Variants in CIROZ observed in about 807,000 individuals in gnomAD.
The protein encoded by CIROZ is ciliated left-right organizer ZP-N domains-containing protein.
the CIROZ span, among the ~76,000 whole-genome samples, chr1:10,973,956 A>G: frequency 7.4e-6 from 1 of 134,232 alleles, no homozygotes. Flanking sequence ...CCCAGGAAGG[A>G]CCCCCCCCAC....
the CIROZ span, among the ~76,000 whole-genome samples, chr1:10,954,472 AG>A: frequency 0.16 from 23,641 of 149,448 alleles, 2,456 homozygotes; most frequent in South Asian, 0.39. Context: ...AAAAAAGAAA[AG>A]AAAAGAAAAG....
the CIROZ span, among the ~76,000 whole-genome samples, chr1:10,963,296 G>A: frequency 6.6e-6 from 1 of 152,048 alleles, no homozygotes; most frequent in African/African-American, 2.4e-5. Context: ...GGCTGAGGCA[G>A]GAGAATCGCT....
chr1:10,976,054 C>A, the CIROZ span: 61 of 919,802 alleles, frequency 6.6e-5, no homozygotes, highest in Admixed American at 3.8e-4. Context: ...GGCTTTCTCG[C>A]TTCCAAAGTT....
chr1:10,981,871 G>A, the CIROZ span: 3 of 1,024,760 alleles, frequency 2.9e-6, no homozygotes, highest in South Asian at 4.7e-5. Flanking sequence ...CCATGCATCT[G>A]GGCCCCTCAC....
At chr1:10,969,983 G>T in the CIROZ span, 2 of 1,535,896 alleles carry the variant, frequency 1.3e-6, no homozygotes, top group Admixed American at 2.0e-5. Flanking sequence ...GCAAGTGCAA[G>T]GTCCTGGCCA....
chr1:10,973,242 G>A, the CIROZ span, among the ~76,000 whole-genome samples: 5 of 151,638 alleles, frequency 3.3e-5, no homozygotes, highest in Admixed American at 3.3e-4. Context: ...GCGTGGTTGC[G>A]GGTGCCTGTA....
the CIROZ span, among the ~76,000 whole-genome samples, chr1:10,979,594 G>A: frequency 6.6e-6 from 1 of 152,070 alleles, no homozygotes; most frequent in Non-Finnish European, 1.5e-5. Context: ...CTCTCCAACT[G>A]CAAGGCAAGC....
the CIROZ span, chr1:10,955,270 G>C: frequency 5.3e-6 from 7 of 1,319,140 alleles, no homozygotes; most frequent in East Asian, 4.7e-5. Flanking sequence ...GCCTTTGCCA[G>C]GGGCCACACC....
At chr1:10,963,108 G>T in the CIROZ span, among the ~76,000 whole-genome samples, 1 of 152,038 alleles carries the variant, frequency 6.6e-6, no homozygotes, top group Non-Finnish European at 1.5e-5. Context: ...AAAAAAACAG[G>T]CCGGGTGCAG....
At chr1:10,963,639 G>A in the CIROZ span, among the ~76,000 whole-genome samples, 65,689 of 151,728 alleles carry the variant, frequency 0.43, 16,916 homozygotes, top group African/African-American at 0.71. Context: ...AGAGCTCACA[G>A]TTGGATGTGG....
the CIROZ span, chr1:10,966,574 G>A: frequency 7.5e-7 from 1 of 1,339,944 alleles, no homozygotes; most frequent in Non-Finnish European, 9.8e-7. Context: ...GATAGAAACT[G>A]CTCCGCCTGG....
At chr1:10,966,200 GC>G in the CIROZ span, among the ~76,000 whole-genome samples, 3 of 152,102 alleles carry the variant, frequency 2.0e-5, no homozygotes, top group African/African-American at 7.2e-5. Flanking sequence ...TAATATCTAT[GC>G]CCATAAACTC....
chr1:10,973,690 G>T, the CIROZ span, among the ~76,000 whole-genome samples: 60 of 152,266 alleles, frequency 3.9e-4, no homozygotes, highest in African/African-American at 1.4e-3. Flanking sequence ...TCTGAGTTGG[G>T]ACGGGAACTC....
chr1:10,978,536 C>T, the CIROZ span, among the ~76,000 whole-genome samples: 4 of 151,788 alleles, frequency 2.6e-5, no homozygotes, highest in Admixed American at 6.6e-5. Context: ...TAGCAAGACT[C>T]GATGTCTACA....
the CIROZ span, among the ~76,000 whole-genome samples, chr1:10,951,745 A>AAAAAATATATAT: frequency 3.4e-5 from 4 of 119,186 alleles, no homozygotes; most frequent in South Asian, 2.6e-4. Flanking sequence ...AAAAAAAAAA[A>AAAAAATATATAT]ATATATATAT....
chr1:10,949,016 G>C, the CIROZ span: 1 of 526,502 alleles, frequency 1.9e-6, no homozygotes, highest in African/African-American at 1.9e-5. Flanking sequence ...CTTGAGGCCA[G>C]GAGTTCCAGA....
chr1:10,957,112 G>A, the CIROZ span: 2 of 1,548,128 alleles, frequency 1.3e-6, no homozygotes, highest in South Asian at 2.4e-5. Context: ...CAGCACCTGG[G>A]GAGGAAGGGG....
chr1:10,950,453 G>C, the CIROZ span, among the ~76,000 whole-genome samples: 1 of 152,186 alleles, frequency 6.6e-6, no homozygotes, highest in African/African-American at 2.4e-5. Flanking sequence ...TTCCTATTTT[G>C]AGGTCAAATA....
At chr1:10,979,499 G>A in the CIROZ span, among the ~76,000 whole-genome samples, 7 of 152,222 alleles carry the variant, frequency 4.6e-5, no homozygotes, top group Admixed American at 2.6e-4. Flanking sequence ...GCCTCCTGGC[G>A]GGAGTGAGGT....
Sources: gnomAD v4.1 joint callset for allele counts (sites outside exome capture counted in the v4.1 genomes callset) on GRCh38, gnomAD v4.1.1 for gene constraint, MANE v1.5 for transcripts, NCBI Gene and HGNC (gene_info 2026-07-23, HGNC 2026-07-21) for gene names.